The following DOCK3 variants were observed in gnomAD, a reference collection of about 807,000 sequenced individuals.
DOCK3 encodes the protein dedicator of cytokinesis 3.
DOCK3 carries 60 observed loss-of-function variants against 265.6 expected under a neutral mutation model. The ratio of observed to expected loss-of-function variants is 0.23; its 90% CI spans 0.18 to 0.28. DOCK3 has a LOEUF of 0.28. Ranked by LOEUF, DOCK3 falls within the 10% of genes least tolerant of loss-of-function variation. DOCK3 has a pLI of 1.00. For missense variants in DOCK3, 1,981 were observed against 2,594.3 expected (o/e 0.76, Z 5.14); for synonymous variants, 881 against 938.0 (o/e 0.94, Z 1.11).
At chr3:50,936,790 C>G (rs2051386606) in intron 5 of DOCK3, among the ~76,000 whole-genome samples, 1 of 152,088 alleles carries the variant, frequency 6.6e-6, no homozygotes, top group African/African-American at 2.4e-5. Context: ...CAGATTGGTT[C>G]TAAAAGAATG....
intron 5 of DOCK3, among the ~76,000 whole-genome samples, chr3:51,053,076 A>AGATAT (rs1559993850): frequency 2.9e-5 from 1 of 34,550 alleles, no homozygotes; most frequent in Non-Finnish European, 5.5e-5. Flanking sequence ...AAAAAAGTCA[A>AGATAT]AGATATATAT....
rs188804579 is a variant in DOCK3 at position 50,765,207 on chromosome 3, G to A, written c.38-13468G>A. On this transcript the variant is annotated intron_variant, in intron 1 of 52. Transcript: ENST00000266037. ...AGTGATTCTCCTGCCTCAGCCTCCC[G>A]AATAGCTGGGATTACAGGCACGTGC... 1.8e-4 allele frequency among the ~76,000 whole-genome samples: 26 copies of A among 146,754 alleles called. 1 individual carries two copies. Among genetic ancestry groups the A allele is most frequent in the Non-Finnish European group, 2.4e-4 (16 of 67,152 alleles).
In DOCK3 at chr3:51,090,248, C is replaced by T. The variant is rs942444952; in HGVS notation, c.610C>T (p.Arg204Cys). Residue 204 changes from arginine to cysteine, a missense_variant, in exon 9 of 53, where the codon CGT becomes TGT. Physicochemically the swap from Arg to Cys is radical, Grantham distance 180. Transcript: ENST00000266037. ...TCATTAGGTAGATACAATGCGCCCA[C>T]GTCATGGGGAAACATGTCGGATGCC... ...STSQVDTMRP[R>C]HGETCRMPVP... 6.9e-6 allele frequency: 11 copies of T among 1,592,072 alleles called. No individual in the cohort carries two copies. Among genetic ancestry groups the T allele is most frequent in the Middle Eastern group, 3.3e-4 (2 of 6,056 alleles).
intron 1 of DOCK3, among the ~76,000 whole-genome samples, chr3:50,696,952 A>T (rs2035664150): frequency 6.9e-6 from 1 of 145,404 alleles, no homozygotes. Context: ...TTTAAGAGAG[A>T]GTCTCACTAA....
chr3:50,704,532 T>C (rs2036260118), intron 1 of DOCK3, among the ~76,000 whole-genome samples: 1 of 152,224 alleles, frequency 6.6e-6, no homozygotes, highest in South Asian at 2.1e-4. Flanking sequence ...GTTACTATAA[T>C]TACTCCAGTA....
intron 27 of DOCK3, among the ~76,000 whole-genome samples, chr3:51,289,707 AAG>A (rs2109124479): frequency 6.6e-6 from 1 of 152,310 alleles, no homozygotes; most frequent in Admixed American, 6.5e-5. Flanking sequence ...CATACACTGA[AAG>A]TGAAGGGATG....
intron 10 of DOCK3, among the ~76,000 whole-genome samples, chr3:51,153,412 A>C (rs1389028216): frequency 6.6e-6 from 1 of 152,202 alleles, no homozygotes; most frequent in Non-Finnish European, 1.5e-5. Flanking sequence ...ACAGTCTGTC[A>C]TGGCTTCCCT....
chr3:51,347,169 T>G (rs1324770539), intron 38 of DOCK3, among the ~76,000 whole-genome samples: 1 of 152,240 alleles, frequency 6.6e-6, no homozygotes, highest in African/African-American at 2.4e-5. Context: ...CAACTTTGGC[T>G]TTTGTTGCCA....
Position 51,064,616 on chromosome 3 carries a change from G to C in DOCK3, c.464+20G>C, listed in dbSNP as rs761146020. ...TAATGAGTAAGTATGAAAATTGTTT[G>C]GGTATCTCTCAGTTTCATTTATGAT... On this transcript the variant is annotated intron_variant, in intron 6 of 52. Transcript: ENST00000266037. 6.2e-7 allele frequency: 1 copy of C among 1,609,902 alleles called. No individual in the cohort carries two copies.
intron 2 of DOCK3, among the ~76,000 whole-genome samples, chr3:50,779,014 T>C (rs1469990721): frequency 2.0e-5 from 3 of 152,202 alleles, no homozygotes; most frequent in Non-Finnish European, 4.4e-5. Flanking sequence ...ATTTATGGGG[T>C]ACTTGAGATA....
chr3:50,977,244 G>A (rs2077486751), intron 5 of DOCK3, among the ~76,000 whole-genome samples: 4 of 151,958 alleles, frequency 2.6e-5, no homozygotes, highest in Middle Eastern at 6.8e-3. Flanking sequence ...AGTCTCGATG[G>A]TCTTTACATT....
rs373469817 is a variant in DOCK3, at chr3:51,277,557, A to T, written c.2677-51A>T. 2.0e-6 allele frequency: 3 copies of T among 1,491,544 alleles called. No individual in the cohort carries two copies. In the African/African-American group the frequency reaches 4.3e-5, roughly 21 times the overall value. 92.4% of individuals were successfully genotyped at this position (1,491,544 alleles called of 1,614,324 possible). A position where few individuals can be genotyped will look rare whatever the true frequency, so the allele number is the denominator to read the frequency against. ...TGACCTAGTAAGTGCTGCCAGCTGT[A>T]CTTCAGCCTGGCTTGCTGCTAATGG... On this transcript the variant is annotated intron_variant, in intron 25 of 52. Transcript: ENST00000266037.
At position 50,886,208 on chromosome 3, in the gene DOCK3, A is replaced by ATATATATATATATATATG. The variant is rs1399056611; in HGVS notation, c.163-3817_163-3816insATATATATATATATATGT. ...TGGAGATATATATATATATATATAT[A>ATATATATATATATATATG]TTCCAGAGTTTTTAGGTATGCACTA... On this transcript the variant is annotated intron_variant, in intron 3 of 52. Coordinates refer to ENST00000266037, the MANE Select transcript of DOCK3 (RefSeq NM_004947.5). Among the ~76,000 whole-genome samples, 160 of 136,870 alleles carry ATATATATATATATATATG rather than the reference A, an allele frequency of 1.2e-3. 4 individuals are homozygous for ATATATATATATATATATG. The highest frequency in any genetic ancestry group is 2.3e-3 in the East Asian group (11 of 4,878). The allele number at this position is 136,870 out of a possible 152,430, so 89.8% of individuals were successfully genotyped here.
intron 31 of DOCK3, 147 bp downstream of exon 31, chr3:51,313,049 T>C: frequency 1.3e-6 from 1 of 758,508 alleles, no homozygotes; most frequent in South Asian, 1.8e-5. Context: ...CTCAGATGGA[T>C]GGTGTAGCAC....
At chr3:51,007,788 A>G (rs1166218625) in intron 5 of DOCK3, among the ~76,000 whole-genome samples, 1 of 152,120 alleles carries the variant, frequency 6.6e-6, no homozygotes, top group East Asian at 1.9e-4. Context: ...ATCTTGAATT[A>G]ATTTTTGTAT....
At chr3:50,880,475 AC>A in intron 3 of DOCK3, 1 of 163,160 alleles carries the variant, frequency 6.1e-6, no homozygotes, top group Non-Finnish European at 1.3e-5. Context: ...AATACAAACT[AC>A]CATCAGAAAA....
At chr3:50,697,223 GC>G (rs1036959468) in intron 1 of DOCK3, among the ~76,000 whole-genome samples, 3 of 151,958 alleles carry the variant, frequency 2.0e-5, no homozygotes, top group African/African-American at 7.3e-5. Context: ...GAGCCACTGT[GC>G]CTGCCCATAG....
intron 5 of DOCK3, among the ~76,000 whole-genome samples, chr3:50,940,761 G>A (rs930930547): frequency 6.6e-6 from 1 of 152,112 alleles, no homozygotes; most frequent in African/African-American, 2.4e-5. Flanking sequence ...TAGAGCCTGA[G>A]ATGTAGATTC....
At chr3:51,036,054 C>T (rs1379621657) in intron 5 of DOCK3, among the ~76,000 whole-genome samples, 3 of 152,230 alleles carry the variant, frequency 2.0e-5, no homozygotes, top group African/African-American at 7.2e-5. Flanking sequence ...GTCCTTAGGG[C>T]AAAGTATCTA....
Sources: allele counts gnomAD v4.1 joint callset (sites outside exome capture counted in the v4.1 genomes callset), GRCh38; gene constraint gnomAD v4.1.1; transcripts MANE v1.5; gene names NCBI Gene and HGNC (gene_info 2026-07-23, HGNC 2026-07-21).